Variants in PTPRD observed in about 807,000 individuals in gnomAD.
PTPRD encodes receptor-type tyrosine-protein phosphatase delta.
In PTPRD, 34 loss-of-function variants were observed where a neutral mutation model predicts 214.5. The observed-to-expected ratio is 0.16, with a 90% CI of 0.12 to 0.21. PTPRD has a LOEUF of 0.21. Ranked by LOEUF, PTPRD falls within the 10% of genes least tolerant of loss-of-function variation. PTPRD has a pLI of 1.00. For synonymous variants in PTPRD, 1,128 were observed against 845.7 expected (o/e 1.33, Z -5.79); for missense variants, 2,545 against 2,398.7 (o/e 1.06, Z -1.27).
At chr9:10,038,847 T>C (rs2097241574) in intron 3 of PTPRD, among the ~76,000 whole-genome samples, 2 of 152,062 alleles carry the variant, frequency 1.3e-5, no homozygotes, top group Non-Finnish European at 2.9e-5. Flanking sequence ...TCAATCCCTA[T>C]GGCCCTGACC....
intron 7 of PTPRD, among the ~76,000 whole-genome samples, chr9:9,679,690 G>T (rs182092221): frequency 6.6e-6 from 1 of 151,822 alleles, no homozygotes; most frequent in African/African-American, 2.4e-5. Flanking sequence ...ACTTGTTAGC[G>T]ATTAACAGAG....
intron 10 of PTPRD, among the ~76,000 whole-genome samples, chr9:9,179,638 T>C (rs2099926975): frequency 6.6e-6 from 1 of 152,102 alleles, no homozygotes; most frequent in Non-Finnish European, 1.5e-5. Context: ...CAAAAAGACA[T>C]ACACCCTCCT....
At chr9:9,573,377 G>C (rs1341460326) in intron 8 of PTPRD, among the ~76,000 whole-genome samples, 2 of 150,834 alleles carry the variant, frequency 1.3e-5, no homozygotes, top group Non-Finnish European at 3.0e-5. Flanking sequence ...TGACTAGAAA[G>C]AGTATAACAG....
At chr9:9,508,075 G>GA (rs34363328) in intron 8 of PTPRD, among the ~76,000 whole-genome samples, 2 of 151,508 alleles carry the variant, frequency 1.3e-5, no homozygotes, top group Non-Finnish European at 3.0e-5. Context: ...TAATTTATAA[G>GA]AAATGTCAGC....
chr9:9,098,986 GA>G (rs1442103984), intron 10 of PTPRD, among the ~76,000 whole-genome samples: 1 of 152,022 alleles, frequency 6.6e-6, no homozygotes, highest in African/African-American at 2.4e-5. Context: ...CAGTGAAAAA[GA>G]AAAAATGTGG....
chr9:8,865,392 T>C (rs1287849289), intron 11 of PTPRD, among the ~76,000 whole-genome samples: 1 of 152,088 alleles, frequency 6.6e-6, no homozygotes, highest in South Asian at 2.1e-4. Context: ...TTAAGCACAA[T>C]AGGCATTTCA....
intron 3 of PTPRD, among the ~76,000 whole-genome samples, chr9:10,146,212 T>A (rs1352016846): frequency 1.3e-5 from 2 of 148,320 alleles, no homozygotes; most frequent in Admixed American, 6.8e-5. Context: ...TATACATACA[T>A]ACTATTCTAT....
At chr9:10,355,500 C>T (rs1395602453) in intron 2 of PTPRD, among the ~76,000 whole-genome samples, 8 of 140,406 alleles carry the variant, frequency 5.7e-5, no homozygotes, top group South Asian at 2.2e-4. Flanking sequence ...TTTTTTGAGA[C>T]GGAGTCTCAC....
chr9:8,442,566 G>C (rs1478967446), intron 34 of PTPRD, among the ~76,000 whole-genome samples: 1 of 152,140 alleles, frequency 6.6e-6, no homozygotes, highest in Non-Finnish European at 1.5e-5. Context: ...GGACCAAAGA[G>C]AAGCTAATTT....
At chr9:10,252,664 G>A (rs2092892590) in intron 3 of PTPRD, among the ~76,000 whole-genome samples, 1 of 152,122 alleles carries the variant, frequency 6.6e-6, no homozygotes, top group Non-Finnish European at 1.5e-5. Flanking sequence ...CATAGCGATA[G>A]ATAAATTAGC....
chr9:9,328,806 C>CT lies in PTPRD; in HGVS notation c.-203+68642dup, dbSNP rs755669056. 6.6e-3 allele frequency among the ~76,000 whole-genome samples: 953 copies of CT among 144,864 alleles called. 2 individuals carry two copies. Among genetic ancestry groups the CT allele is most frequent in the Non-Finnish European group, 0.01 (686 of 65,532 alleles). ...TGCCTACCACCACATCCAGCTATTT[C>CT]TTTTTTTTTTAAGTGGAGACAGGGT... On this transcript the variant is annotated intron_variant, in intron 9 of 45. Coordinates refer to ENST00000381196, the MANE Select transcript of PTPRD (RefSeq NM_002839.4).
At chr9:10,189,218 G>C (rs573648350) in intron 3 of PTPRD, among the ~76,000 whole-genome samples, 1 of 152,106 alleles carries the variant, frequency 6.6e-6, no homozygotes, top group Admixed American at 6.6e-5. Context: ...TCTAGGAAAG[G>C]TCTGGGGAAT....
chr9:8,756,182 G>C (rs2093975908), intron 11 of PTPRD, among the ~76,000 whole-genome samples: 1 of 152,130 alleles, frequency 6.6e-6, no homozygotes, highest in Admixed American at 6.5e-5. Flanking sequence ...CTTCAGCACT[G>C]ACTTTCTTAT....
At chr9:10,147,994 A>T (rs2099035491) in intron 3 of PTPRD, among the ~76,000 whole-genome samples, 1 of 152,206 alleles carries the variant, frequency 6.6e-6, no homozygotes, top group South Asian at 2.1e-4. Flanking sequence ...AAGGGCTTTG[A>T]TCCACGTTTT....
chr9:9,582,247 C>A (rs1373778356), intron 7 of PTPRD, among the ~76,000 whole-genome samples: 2 of 152,094 alleles, frequency 1.3e-5, no homozygotes, highest in Non-Finnish European at 2.9e-5. Flanking sequence ...CAAAAGGACA[C>A]ATGTAGACGT....
chr9:10,349,796 T>C (rs2097151411), intron 2 of PTPRD, among the ~76,000 whole-genome samples: 2 of 152,128 alleles, frequency 1.3e-5, no homozygotes, highest in South Asian at 4.1e-4. Context: ...CCCATGAATA[T>C]CTTACAGGTG....
chr9:10,464,449 AAGG>A (rs2131416528), intron 2 of PTPRD, among the ~76,000 whole-genome samples: 1 of 151,340 alleles, frequency 6.6e-6, no homozygotes, highest in South Asian at 2.1e-4. Context: ...GAAAGGAGGA[AAGG>A]AGGAGAGGAG....
chr9:10,042,730 A>G (rs543000823), intron 3 of PTPRD, among the ~76,000 whole-genome samples: 10 of 152,066 alleles, frequency 6.6e-5, no homozygotes, highest in African/African-American at 2.2e-4. Flanking sequence ...TGGTAGGTGT[A>G]GCTTGGCACC....
chr9:9,959,612 T>C (rs1238988731), intron 4 of PTPRD, among the ~76,000 whole-genome samples: 1 of 152,198 alleles, frequency 6.6e-6, no homozygotes, highest in Admixed American at 6.5e-5. Flanking sequence ...AGAAAGGTGC[T>C]GACCTAAATA....
Sources: gnomAD v4.1 joint callset for allele counts (sites outside exome capture counted in the v4.1 genomes callset) on GRCh38, gnomAD v4.1.1 for gene constraint, MANE v1.5 for transcripts, NCBI Gene and HGNC (gene_info 2026-07-23, HGNC 2026-07-21) for gene names.